TTC7A: variants seen among roughly 807,000 people sequenced by gnomAD.
TTC7A encodes the protein tetratricopeptide repeat protein 7A.
A neutral mutation model predicts 103.7 loss-of-function variants in TTC7A; 110 were observed. That is an observed-to-expected ratio of 1.06 (90% CI 0.91 to 1.24). The LOEUF (loss-of-function observed/expected upper bound fraction) is 1.24, where lower values mean the gene tolerates loss of function less well. Among genes scored for constraint, TTC7A ranks in the 50% most tolerant of loss-of-function variants. The pLI is 0.00. For missense variants in TTC7A, 1,340 were observed against 1,116.3 expected (o/e 1.20, Z -2.86); for synonymous variants, 521 against 467.9 (o/e 1.11, Z -1.47).
chr2:47,029,909 G>A (rs940347944), intron 15 of TTC7A, among the ~76,000 whole-genome samples: 14 of 152,198 alleles, frequency 9.2e-5, no homozygotes, highest in Non-Finnish European at 1.8e-4. Flanking sequence ...GGTTTAAGTT[G>A]CACTTGGCCT....
At chr2:46,951,812 C>G (rs1671441655) in intron 2 of TTC7A, 1 of 369,674 alleles carries the variant, frequency 2.7e-6, no homozygotes, top group Non-Finnish European at 5.4e-6. Flanking sequence ...TGAAGGCAAT[C>G]AAGACGAATC....
At position 47,074,821 on chromosome 2, in the gene TTC7A, G is replaced by A. The variant is rs1008185257; in HGVS notation, c.*898G>A. On this transcript the variant is annotated 3_prime_UTR_variant, in exon 20 of 20. Coordinates refer to ENST00000319190, the MANE Select transcript of TTC7A (RefSeq NM_020458.4). ...CTGAGAGAGACCTGAGGAGGGGACA[G>A]AGCCCAGCCCCTCTCCTGTGGCTGA... The A allele has an allele frequency of 2.0e-5, 3 of 152,168 alleles. No homozygotes were observed. The highest frequency in any genetic ancestry group is 2.9e-5 in the Non-Finnish European group (2 of 68,108). 9.4% of individuals were successfully genotyped at this position (152,168 alleles called of 1,614,324 possible).
At chr2:46,927,791 T>C (rs1467309651) in intron 2 of TTC7A, among the ~76,000 whole-genome samples, 1 of 150,748 alleles carries the variant, frequency 6.6e-6, no homozygotes, top group Non-Finnish European at 1.5e-5. Context: ...CCAGCTAAAA[T>C]ATCCTTCAAG....
intron 3 of TTC7A, among the ~76,000 whole-genome samples, chr2:46,967,058 T>C (rs1672924462): frequency 1.3e-5 from 2 of 151,776 alleles, no homozygotes. Context: ...ACTAAAAATA[T>C]AAAAATTAGC....
intron 10 of TTC7A, among the ~76,000 whole-genome samples, chr2:47,008,058 G>T (rs1414016192): frequency 6.6e-6 from 1 of 152,238 alleles, no homozygotes; most frequent in African/African-American, 2.4e-5. Context: ...GCACCGGTCA[G>T]CCTGGGGTAG....
At position 46,995,175 on chromosome 2, in the gene TTC7A, G is replaced by T. The variant is rs1234395350; in HGVS notation, c.1041G>T (p.Leu347=). Residue 347 remains leucine, a synonymous_variant, in exon 8 of 20, where the codon CTG becomes CTT. Coordinates refer to ENST00000319190, the MANE Select transcript of TTC7A (RefSeq NM_020458.4). ...CPKDNIEEAL[L]LLLISESMAT... The stretch of plus-strand genomic sequence containing the variant: ...AGGACAACATCGAGGAAGCCCTCCT[G>T]CTCCTCCTCATCAGCGAATCCATGG... 1 of 1,614,052 alleles carries T rather than the reference G, an allele frequency of 6.2e-7. No homozygotes were observed. The highest frequency in any genetic ancestry group is 1.7e-5 in the Admixed American group (1 of 60,000).
chr2:46,941,902 A>G lies in TTC7A; in HGVS notation c.184+177A>G. 2 of 784,244 alleles carry G rather than the reference A, an allele frequency of 2.6e-6. No individual in the cohort carries two copies. The highest frequency in any genetic ancestry group is 2.7e-5 in the East Asian group (1 of 36,844). The allele number at this position is 784,244 out of a possible 1,614,324, so 48.6% of individuals were successfully genotyped here. A position where few individuals can be genotyped will look rare whatever the true frequency, so the allele number is the denominator to read the frequency against. On this transcript the variant is annotated intron_variant, in intron 1 of 19. Transcript: ENST00000319190. The surrounding 1 kb of genome is among the most constrained non-coding windows in gnomAD (Gnocchi z 4.2). ...CCTTCTGCCGCGAGAGAAAAATCAC[A>G]TGTGGTTTGGGGGCTTGGAGGGAAG...
At position 46,934,787 on chromosome 2, in the gene TTC7A, C is replaced by CTTTTTTTTTTTTTTTTTTT. The variant is rs1161003607; in HGVS notation, c.83-15562_83-15544dup. On this transcript the variant is annotated intron_variant, in intron 2 of 20. Transcript: ENST00000409245. ...GGAATAAGGTATGAAGACTACTGCTCTTTTTTTTTTTTTTTTTTTTTTTTT... is the reference window on the plus strand; with the variant it reads ...GGAATAAGGTATGAAGACTACTGCTCTTTTTTTTTTTTTTTTTTTTTTTTTTTTTTTTTTTTTTTTTTTT... 1.3e-4 allele frequency among the ~76,000 whole-genome samples: 9 copies of CTTTTTTTTTTTTTTTTTTT among 66,888 alleles called. 1 individual carries two copies. The highest frequency in any genetic ancestry group is 1.3e-4 in the Non-Finnish European group (5 of 37,304). 43.9% of individuals were successfully genotyped at this position (66,888 alleles called of 152,430 possible).
rs956412071 is a variant in TTC7A, at chr2:47,073,921, T to A, written c.2575T>A (p.Ter859ArgextTer39). 7 of 1,608,662 alleles carry A rather than the reference T, an allele frequency of 4.4e-6. No homozygotes were observed. The highest frequency in any genetic ancestry group is 2.7e-5 in the African/African-American group (2 of 74,806). The change falls in exon 20 of 20, where the codon TGA becomes AGA. Residue 859 changes from the stop codon to arginine, a stop_lost. Coordinates refer to ENST00000319190, the MANE Select transcript of TTC7A (RefSeq NM_020458.4). ...LPFSIIPREL[*>R] Reference sequence around the variant, plus strand: ...CTTCTCCATCATCCCCAGAGAGCTCTGACGACGCTGCAGCCGCAGGGAGGG... The same window carrying A: ...CTTCTCCATCATCCCCAGAGAGCTCAGACGACGCTGCAGCCGCAGGGAGGG...
At chr2:47,003,212 G>A (rs191880676) in intron 8 of TTC7A, among the ~76,000 whole-genome samples, 2 of 152,136 alleles carry the variant, frequency 1.3e-5, no homozygotes, top group Non-Finnish European at 1.5e-5. Context: ...AGTTCTGTGC[G>A]TGAGGCTGTG....
chr2:46,987,918 G>A (rs1675207074), intron 5 of TTC7A, among the ~76,000 whole-genome samples: 1 of 152,094 alleles, frequency 6.6e-6, no homozygotes, highest in Admixed American at 6.5e-5. Flanking sequence ...CCAGCCTGCT[G>A]TTTGGTGTGA....
chr2:47,015,590 GA>G (rs1464238350), intron 11 of TTC7A, among the ~76,000 whole-genome samples: 11 of 152,306 alleles, frequency 7.2e-5, no homozygotes, highest in African/African-American at 2.6e-4. Flanking sequence ...CTGTAGCCTG[GA>G]AACAATCATG....
At chr2:47,065,301 T>A (rs2436767) in intron 19 of TTC7A, among the ~76,000 whole-genome samples, 108,044 of 152,028 alleles carry the variant, frequency 0.71, 40,226 homozygotes, top group East Asian at 0.88. Context: ...AGGAAAAAAA[T>A]GAGGTAGCTT....
chr2:46,995,040 G>A (rs1328628471), intron 7 of TTC7A, 96 bp from the exon 8 acceptor site: 2 of 1,142,236 alleles, frequency 1.8e-6, no homozygotes, highest in East Asian at 2.5e-5. Flanking sequence ...TTACCGAGCT[G>A]GTGCTGACTC....
chr2:47,074,189 G>C lies in TTC7A; in HGVS notation c.*266G>C. The stretch of plus-strand genomic sequence containing the variant: ...TGGTGACCAGACTTGCTCCCCAAGA[G>C]CTGGGCAGCGGGGAGCCTCACAGCT... On this transcript the variant is annotated 3_prime_UTR_variant, in exon 20 of 20. Transcript: ENST00000319190. 2.0e-6 allele frequency: 1 copy of C among 511,508 alleles called. No homozygotes were observed. 31.7% of individuals were successfully genotyped at this position (511,508 alleles called of 1,614,324 possible).
chr2:46,993,384 T>C, intron 5 of TTC7A, 66 bp from the exon 6 acceptor site: 1 of 1,494,174 alleles, frequency 6.7e-7, no homozygotes, highest in Non-Finnish European at 9.3e-7. Context: ...TCTGCTGGTG[T>C]GCTGAGAGCA....
At chr2:47,022,206 A>C (rs1679370551) in intron 12 of TTC7A, among the ~76,000 whole-genome samples, 2 of 152,144 alleles carry the variant, frequency 1.3e-5, no homozygotes, top group Admixed American at 6.5e-5. Flanking sequence ...GCCACCCTCA[A>C]GCATGCCTTC....
intron 8 of TTC7A, among the ~76,000 whole-genome samples, chr2:46,996,482 A>C (rs1676198036): frequency 6.6e-6 from 1 of 152,226 alleles, no homozygotes; most frequent in Non-Finnish European, 1.5e-5. Context: ...GCTTGCTTAG[A>C]TAGCGTTGGT....
At chr2:46,959,281 C>G (rs1672172301) in intron 3 of TTC7A, among the ~76,000 whole-genome samples, 1 of 152,212 alleles carries the variant, frequency 6.6e-6, no homozygotes, top group Non-Finnish European at 1.5e-5. Flanking sequence ...GCCCCTCGGT[C>G]TTGGGCTCCG....
Sources: gnomAD v4.1 joint callset for allele counts (sites outside exome capture counted in the v4.1 genomes callset) on GRCh38, gnomAD v4.1.1 for gene constraint, Gnocchi (gnomAD v3.1) non-coding constraint, MANE v1.5 for transcripts, NCBI Gene and HGNC (gene_info 2026-07-23, HGNC 2026-07-21) for gene names.